Variants in WNT9B observed in about 807,000 individuals in gnomAD.
WNT9B encodes Wnt family member 9B.
A neutral mutation model predicts 30.2 loss-of-function variants in WNT9B; 12 were observed. The ratio of observed to expected loss-of-function variants is 0.40; its 90% CI spans 0.26 to 0.64. The LOEUF (loss-of-function observed/expected upper bound fraction) is 0.64, where lower values mean the gene tolerates loss of function less well. Among genes scored for constraint, WNT9B ranks in the 30% least tolerant of loss-of-function variants. The pLI is 0.42. For synonymous variants in WNT9B, 218 were observed against 216.9 expected, an observed-to-expected ratio of 1.01 and a Z score of -0.05; for missense variants, 442 against 485.2, an observed-to-expected ratio of 0.91 and a Z score of 0.84.
At chr17:46,871,049 T>C (rs2085235550) in intron 1 of WNT9B, among the ~76,000 whole-genome samples, 1 of 151,684 alleles carries the variant, frequency 6.6e-6, no homozygotes, top group Non-Finnish European at 1.5e-5. Context: ...TAGCTGGGAC[T>C]ACAGGTGTGT....
intron 1 of WNT9B, among the ~76,000 whole-genome samples, chr17:46,866,222 A>G (rs1421529602): frequency 1.3e-5 from 2 of 152,002 alleles, no homozygotes; most frequent in Non-Finnish European, 2.9e-5. Context: ...TTGAGCAGCC[A>G]CCCTCAAAAA....
chr17:46,857,889 T>A (rs960736246), intron 1 of WNT9B, among the ~76,000 whole-genome samples: 1 of 151,534 alleles, frequency 6.6e-6, no homozygotes, highest in South Asian at 2.1e-4. Context: ...TTATTTGTCT[T>A]CTTATTGAAT....
At chr17:46,856,212 T>C (rs1480428875) in intron 1 of WNT9B, among the ~76,000 whole-genome samples, 1 of 152,182 alleles carries the variant, frequency 6.6e-6, no homozygotes, top group Admixed American at 6.5e-5. Context: ...TTTAGACAAA[T>C]GTCTTAACCT....
intron 1 of WNT9B, among the ~76,000 whole-genome samples, chr17:46,836,595 G>T (rs2146514197): frequency 6.6e-6 from 1 of 152,322 alleles, no homozygotes; most frequent in East Asian, 1.9e-4. Context: ...AAATAAGTAG[G>T]ATAATGAAAT....
At chr17:46,872,973 A>G (rs1021943117) in intron 2 of WNT9B, among the ~76,000 whole-genome samples, 200 bp downstream of exon 2, 5 of 152,076 alleles carry the variant, frequency 3.3e-5, no homozygotes, top group African/African-American at 9.7e-5. Context: ...GCCCAGCCTC[A>G]GGTTTGGGGG....
At chr17:46,836,953 T>C (rs779349701) in intron 1 of WNT9B, among the ~76,000 whole-genome samples, 12 of 152,084 alleles carry the variant, frequency 7.9e-5, no homozygotes, top group Non-Finnish European at 1.6e-4. Context: ...TCTTTTTTTC[T>C]TTTTTTTGAG....
intron 1 of WNT9B, among the ~76,000 whole-genome samples, chr17:46,869,654 G>A (rs887073991): frequency 2.0e-5 from 3 of 152,122 alleles, no homozygotes; most frequent in African/African-American, 7.2e-5. Context: ...CATTTAGTTA[G>A]ACAAACCAAC....
chr17:46,858,317 T>C (rs12601196), intron 1 of WNT9B, among the ~76,000 whole-genome samples: 24,195 of 152,126 alleles, frequency 0.16, 2,237 homozygotes, highest in East Asian at 0.37. Context: ...CATTTTCTTA[T>C]TGATGTCTTA....
At chr17:46,883,209 C>A (rs1163345196), downstream of WNT9B, among the ~76,000 whole-genome samples, 4 of 151,816 alleles carry the variant, frequency 2.6e-5, no homozygotes, top group Admixed American at 1.3e-4. Flanking sequence ...GTCTTGATCT[C>A]CTGACCTCGT....
At chr17:46,842,937 A>G (rs569714469) in intron 1 of WNT9B, among the ~76,000 whole-genome samples, 12 of 152,360 alleles carry the variant, frequency 7.9e-5, no homozygotes, top group African/African-American at 2.9e-4. Context: ...ATGGATGAAG[A>G]AACCGAGGTC....
intron 1 of WNT9B, among the ~76,000 whole-genome samples, chr17:46,841,396 G>A (rs2146524186): frequency 6.6e-6 from 1 of 152,312 alleles, no homozygotes; most frequent in Non-Finnish European, 1.5e-5. Flanking sequence ...GGAAAGTCAT[G>A]CATCGATATT....
At chr17:46,869,543 C>G (rs1598858273) in intron 1 of WNT9B, among the ~76,000 whole-genome samples, 2 of 152,342 alleles carry the variant, frequency 1.3e-5, no homozygotes, top group East Asian at 3.9e-4. Context: ...AAACCAGATG[C>G]CTGTTGAATG....
chr17:46,833,959 T>A (rs1235670506), intron 1 of WNT9B, among the ~76,000 whole-genome samples: 1 of 152,002 alleles, frequency 6.6e-6, no homozygotes, highest in African/African-American at 2.4e-5. Context: ...ATCTTGGGAG[T>A]CTGAGGCAGG....
rs114782583 is a variant in WNT9B, at chr17:46,866,861, G to A, written c.78-5656G>A. 8.3e-3 allele frequency among the ~76,000 whole-genome samples: 1,259 copies of A among 152,262 alleles called. 16 individuals carry two copies. Among genetic ancestry groups the A allele is most frequent in the African/African-American group, 0.028 (1,176 of 41,540 alleles). ...CTCTCAAGCAGAAACTAGGATGGGA[G>A]TAGGTGGAAGAACAGGGCTTGGGGT... On this transcript the variant is annotated intron_variant, in intron 1 of 3. Coordinates refer to ENST00000290015, the MANE Select transcript of WNT9B (RefSeq NM_003396.3).
chr17:46,852,332 C>T (rs986675673), intron 1 of WNT9B, among the ~76,000 whole-genome samples: 11 of 151,924 alleles, frequency 7.2e-5, no homozygotes, highest in African/African-American at 2.7e-4. Context: ...GCGACCACAT[C>T]TCAGACCTGG....
intron 1 of WNT9B, among the ~76,000 whole-genome samples, chr17:46,868,817 TC>T (rs1324260905): frequency 2.0e-5 from 3 of 152,142 alleles, no homozygotes; most frequent in African/African-American, 7.2e-5. Context: ...ATGACGTTGT[TC>T]CTGCTGACCT....
At chr17:46,842,919 T>A (rs2084732800) in intron 1 of WNT9B, among the ~76,000 whole-genome samples, 1 of 152,226 alleles carries the variant, frequency 6.6e-6, no homozygotes, top group Non-Finnish European at 1.5e-5. Flanking sequence ...GAGTGTTGTA[T>A]CCATTTTATG....
intron 1 of WNT9B, among the ~76,000 whole-genome samples, chr17:46,834,906 T>C (rs1398223704): frequency 6.6e-6 from 1 of 152,192 alleles, no homozygotes; most frequent in African/African-American, 2.4e-5. Flanking sequence ...AAAATGGCCA[T>C]TGAGCTCACC....
upstream of WNT9B, among the ~76,000 whole-genome samples, chr17:46,848,784 A>G (rs2084805413): frequency 6.6e-6 from 1 of 152,188 alleles, no homozygotes. Context: ...TCCTGCCTCC[A>G]CTACAGCTGG....
Sources: allele counts gnomAD v4.1 joint callset (sites outside exome capture counted in the v4.1 genomes callset), GRCh38; gene constraint gnomAD v4.1.1; transcripts MANE v1.5; gene names NCBI Gene and HGNC (gene_info 2026-07-23, HGNC 2026-07-21).